RANBP9: variants seen among roughly 807,000 people sequenced by gnomAD.
RANBP9 encodes RAN binding protein 9, also known as ran-binding protein 9.
A neutral mutation model predicts 84.3 loss-of-function variants in RANBP9; 15 were observed. The observed-to-expected ratio is 0.18, with a 90% CI of 0.12 to 0.27. The LOEUF is 0.27. Among genes scored for constraint, RANBP9 ranks in the 10% least tolerant of loss-of-function variants. RANBP9 has a pLI of 1.00. For synonymous variants in RANBP9, 392 were observed against 349.6 expected, an observed-to-expected ratio of 1.12 and a Z score of -1.35; for missense variants, 809 against 912.8, an observed-to-expected ratio of 0.89 and a Z score of 1.46.
At chr6:13,676,541 G>A (rs1394358689) in intron 2 of RANBP9, among the ~76,000 whole-genome samples, 1 of 151,998 alleles carries the variant, frequency 6.6e-6, no homozygotes, top group Non-Finnish European at 1.5e-5. Context: ...GAACACAGAT[G>A]CAAATATCCT....
At chr6:13,652,777 A>T in intron 4 of RANBP9, 96 bp from the exon 5 acceptor site, 1 of 1,052,996 alleles carries the variant, frequency 9.5e-7, no homozygotes, top group Non-Finnish European at 1.4e-6. Context: ...AACAAATGGC[A>T]AAAGAAAAAA....
chr6:13,625,376 T>C (rs960269049), intron 13 of RANBP9, among the ~76,000 whole-genome samples: 2 of 152,154 alleles, frequency 1.3e-5, no homozygotes, highest in South Asian at 2.1e-4. Context: ...GAAGTAGACA[T>C]TCGTGGCTAC....
At chr6:13,679,933 T>C (rs1414168034) in intron 2 of RANBP9, among the ~76,000 whole-genome samples, 2 of 152,168 alleles carry the variant, frequency 1.3e-5, no homozygotes, top group East Asian at 1.9e-4. Flanking sequence ...GGTCAAAAAA[T>C]AGTGTTCTTA....
chr6:13,662,926 AG>A (rs954097695), intron 2 of RANBP9, among the ~76,000 whole-genome samples: 34 of 152,274 alleles, frequency 2.2e-4, no homozygotes, highest in African/African-American at 7.7e-4. Context: ...AGAGAAAAAA[AG>A]GTAGGGGTAT....
chr6:13,662,429 T>C (rs1477354232), intron 2 of RANBP9, among the ~76,000 whole-genome samples: 1 of 152,108 alleles, frequency 6.6e-6, no homozygotes, highest in Non-Finnish European at 1.5e-5. Flanking sequence ...AGAAAAAGAA[T>C]CAATAAAAAG....
intron 12 of RANBP9, among the ~76,000 whole-genome samples, chr6:13,628,664 AAACATCT>A (rs1223362230): frequency 6.6e-6 from 1 of 152,254 alleles, no homozygotes; most frequent in Non-Finnish European, 1.5e-5. Context: ...TCCCAGTCGT[AAACATCT>A]AGGACTTGAT....
At chr6:13,675,550 T>C (rs564318272) in intron 2 of RANBP9, among the ~76,000 whole-genome samples, 68 of 152,176 alleles carry the variant, frequency 4.5e-4, no homozygotes, top group African/African-American at 1.5e-3. Flanking sequence ...AATCAATGAT[T>C]TAACTTTCCG....
At chr6:13,699,865 T>TA (rs1185517977) in intron 1 of RANBP9, among the ~76,000 whole-genome samples, 1 of 151,870 alleles carries the variant, frequency 6.6e-6, no homozygotes, top group African/African-American at 2.4e-5. Context: ...GTCCCAAAAA[T>TA]AAAAAAATAA....
intron 13 of RANBP9, among the ~76,000 whole-genome samples, chr6:13,622,947 G>C (rs1172417131): frequency 6.6e-6 from 1 of 152,178 alleles, no homozygotes; most frequent in African/African-American, 2.4e-5. Context: ...AGGCTGCCTA[G>C]CCATCTCCAA....
chr6:13,703,857 T>A (rs914749295), intron 1 of RANBP9, among the ~76,000 whole-genome samples: 5 of 152,362 alleles, frequency 3.3e-5, no homozygotes, highest in African/African-American at 1.2e-4. Context: ...TGGCTTCTTC[T>A]GGTTTCCATG....
At chr6:13,647,143 A>G (rs1765189836) in intron 5 of RANBP9, among the ~76,000 whole-genome samples, 1 of 152,186 alleles carries the variant, frequency 6.6e-6, no homozygotes, top group South Asian at 2.1e-4. Context: ...TGACCAAGTA[A>G]TTTCACTTGG....
At chr6:13,709,829 A>G (rs997834798) in intron 1 of RANBP9, among the ~76,000 whole-genome samples, 1 of 152,232 alleles carries the variant, frequency 6.6e-6, no homozygotes, top group Non-Finnish European at 1.5e-5. Context: ...TAAGAATTTA[A>G]CCACAAGGTT....
At chr6:13,658,867 C>A in intron 2 of RANBP9, 35 bp from the exon 3 acceptor site, 1 of 1,513,180 alleles carries the variant, frequency 6.6e-7, no homozygotes, top group South Asian at 1.1e-5. Flanking sequence ...AAGAAAAGGA[C>A]ATTATTACAG....
At chr6:13,683,820 C>A (rs1396410858) in intron 2 of RANBP9, among the ~76,000 whole-genome samples, 1 of 151,266 alleles carries the variant, frequency 6.6e-6, no homozygotes, top group Non-Finnish European at 1.5e-5. Flanking sequence ...AAATAACTGA[C>A]AGAGTAAGAG....
intron 2 of RANBP9, among the ~76,000 whole-genome samples, chr6:13,694,683 G>C (rs138509801): frequency 2.0e-5 from 3 of 152,282 alleles, no homozygotes; most frequent in African/African-American, 7.2e-5. Flanking sequence ...GTTTTAAACT[G>C]CATGCCATTC....
intron 1 of RANBP9, among the ~76,000 whole-genome samples, chr6:13,698,182 C>T (rs896590474): frequency 6.6e-6 from 1 of 152,110 alleles, no homozygotes; most frequent in African/African-American, 2.4e-5. Flanking sequence ...ATGAATTCTG[C>T]CACTCCTTCC....
intron 1 of RANBP9, among the ~76,000 whole-genome samples, chr6:13,703,877 C>G (rs773931399): frequency 1.3e-5 from 2 of 152,164 alleles, no homozygotes; most frequent in East Asian, 1.9e-4. Flanking sequence ...GAAGTCAGAT[C>G]ACAGGGCTGA....
At chr6:13,701,416 T>C (rs1052577537) in intron 1 of RANBP9, among the ~76,000 whole-genome samples, 1 of 152,160 alleles carries the variant, frequency 6.6e-6, no homozygotes, top group Non-Finnish European at 1.5e-5. Context: ...TTTTCATCAT[T>C]TACTTTAAAC....
At chr6:13,633,409 G>A (rs1469209483) in intron 11 of RANBP9, among the ~76,000 whole-genome samples, 1 of 152,192 alleles carries the variant, frequency 6.6e-6, no homozygotes, top group African/African-American at 2.4e-5. Flanking sequence ...TTAAAAATAA[G>A]GTAATGACGA....
Sources: gnomAD v4.1 joint callset for allele counts (sites outside exome capture counted in the v4.1 genomes callset) on GRCh38, gnomAD v4.1.1 for gene constraint, MANE v1.5 for transcripts, NCBI Gene and HGNC (gene_info 2026-07-23, HGNC 2026-07-21) for gene names.